The following PPP2R2D variants were observed in gnomAD, a reference collection of about 807,000 sequenced individuals.
The protein encoded by PPP2R2D is serine/threonine-protein phosphatase 2A 55 kDa regulatory subunit B delta isoform.
A neutral mutation model predicts 31.1 loss-of-function variants in PPP2R2D; 9 were observed. The observed-to-expected ratio is 0.29, with a 90% CI of 0.17 to 0.51. PPP2R2D has a LOEUF of 0.51. Ranked by LOEUF, PPP2R2D falls within the 20% of genes least tolerant of loss-of-function variation. The pLI, the probability that PPP2R2D is intolerant of heterozygous loss-of-function variation, is 0.98. For synonymous variants in PPP2R2D, 179 were observed against 172.6 expected (o/e 1.04, Z -0.29); for missense variants, 391 against 465.6 (o/e 0.84, Z 1.48).
intron 2 of PPP2R2D, among the ~76,000 whole-genome samples, chr10:131,903,614 T>C (rs1302197268): frequency 6.6e-6 from 1 of 152,346 alleles, no homozygotes; most frequent in Non-Finnish European, 1.5e-5. Context: ...CGTGGTTTCT[T>C]TTGTAACATT....
intron 2 of PPP2R2D, among the ~76,000 whole-genome samples, chr10:131,918,428 GAC>G (rs1189945203): frequency 2.7e-5 from 4 of 149,206 alleles, no homozygotes; most frequent in African/African-American, 5.0e-5. Context: ...TGGGTGGAAT[GAC>G]ACAGTGTTTT....
At position 131,947,270 on chromosome 10, in the gene PPP2R2D, C is replaced by G. The variant is rs991127031; in HGVS notation, c.821-260C>G. Among the ~76,000 whole-genome samples, 1 of 152,170 alleles carries G rather than the reference C, an allele frequency of 6.6e-6. No homozygotes were observed. The highest frequency in any genetic ancestry group is 2.1e-4 in the South Asian group (1 of 4,822). On this transcript the variant is annotated intron_variant, in intron 7 of 8. Coordinates refer to ENST00000455566, the MANE Select transcript of PPP2R2D (RefSeq NM_018461.5). The surrounding 1 kb of genome is among the most constrained non-coding windows in gnomAD (Gnocchi z 4.3). Reference sequence around the variant, plus strand: ...TTGCCTAGAGATTCTCATTCAGGGTCCGGGTGAGACTTGGGCGTCTACGCT... The same window carrying G: ...TTGCCTAGAGATTCTCATTCAGGGTGCGGGTGAGACTTGGGCGTCTACGCT...
chr10:131,929,035 T>C (rs74162808), intron 2 of PPP2R2D, among the ~76,000 whole-genome samples: 4,434 of 152,300 alleles, frequency 0.029, 160 homozygotes, highest in African/African-American at 0.091. Flanking sequence ...CTGGAGTTGT[T>C]TGTCTGCCTT....
At position 131,944,112 on chromosome 10, in the gene PPP2R2D, T is replaced by C; in HGVS notation, c.622T>C (p.Leu208=). ...YLSADDLRIN[L]WHLEITDRSF... is the part of the protein sequence containing the mutation. ...TTCTGCAGATGACCTGAGAATTAATTTATGGCACTTAGAAATCACAGATAG... is the reference window on the plus strand; with the variant it reads ...TTCTGCAGATGACCTGAGAATTAATCTATGGCACTTAGAAATCACAGATAG... The change falls in exon 6 of 9, where the codon TTA becomes CTA. Residue 208 remains leucine (L), a synonymous_variant. Transcript: ENST00000455566. 1 of 1,612,320 alleles carries C rather than the reference T, an allele frequency of 6.2e-7. No individual in the cohort carries two copies. Among genetic ancestry groups the C allele is most frequent in the South Asian group, 1.1e-5 (1 of 90,614 alleles).
intron 5 of PPP2R2D, among the ~76,000 whole-genome samples, chr10:131,943,292 G>C (rs1443367851): frequency 6.6e-6 from 1 of 152,192 alleles, no homozygotes; most frequent in African/African-American, 2.4e-5. Flanking sequence ...TCAACACAGA[G>C]ATGGGGGCGG....
At chr10:131,964,664 A>ATTT (rs782297365), downstream of PPP2R2D, among the ~76,000 whole-genome samples, 1,809 of 126,646 alleles carry the variant, frequency 0.014, 39 homozygotes, top group East Asian at 0.053. Flanking sequence ...AGAGTTTACT[A>ATTT]TGTTTTTTTT....
chr10:131,905,054 T>C (rs900688926), intron 2 of PPP2R2D, among the ~76,000 whole-genome samples: 2 of 151,302 alleles, frequency 1.3e-5, no homozygotes, highest in African/African-American at 4.9e-5. Flanking sequence ...GTGATTCCAC[T>C]GGGTCATCAG....
At position 131,941,752 on chromosome 10, in the gene PPP2R2D, A is replaced by T. The variant is rs568692966; in HGVS notation, c.477+1058A>T. Among the ~76,000 whole-genome samples the T allele has an allele frequency of 3.2e-3, 489 of 152,190 alleles. 4 individuals carry two copies. The highest frequency in any genetic ancestry group is 6.8e-3 in the Middle Eastern group (2 of 294). ...TGGGAGTGATGTTGGGTCTGTTCTG[A>T]TGCCATTTCTCCAGCTTTGCCGTGT... On this transcript the variant is annotated intron_variant, in intron 5 of 8. Coordinates refer to ENST00000455566, the MANE Select transcript of PPP2R2D (RefSeq NM_018461.5).
intron 2 of PPP2R2D, among the ~76,000 whole-genome samples, chr10:131,907,230 C>T (rs2035606061): frequency 1.3e-5 from 2 of 151,680 alleles, no homozygotes; most frequent in African/African-American, 4.8e-5. Flanking sequence ...GACATGGTGT[C>T]TGCTTATTTG....
chr10:131,932,070 G>A (rs2036240815), intron 2 of PPP2R2D, among the ~76,000 whole-genome samples: 1 of 152,168 alleles, frequency 6.6e-6, no homozygotes, highest in African/African-American at 2.4e-5. Flanking sequence ...GAGGGTAAAG[G>A]AGATGAACAC....
chr10:131,938,743 T>C (rs1554896792), intron 3 of PPP2R2D, among the ~76,000 whole-genome samples: 1 of 152,244 alleles, frequency 6.6e-6, no homozygotes, highest in African/African-American at 2.4e-5. Flanking sequence ...GGCTCATTTA[T>C]CTCAGCGGCT....
At chr10:131,971,376 C>T in the PPP2R2D span, 6 of 241,892 alleles carry the variant, frequency 2.5e-5, no homozygotes, top group Middle Eastern at 1.4e-3. Context: ...AAAACAGGGA[C>T]ATGACGAAGG....
chr10:131,910,716 G>A (rs1455658815), intron 2 of PPP2R2D, among the ~76,000 whole-genome samples: 1 of 152,164 alleles, frequency 6.6e-6, no homozygotes, highest in Non-Finnish European at 1.5e-5. Context: ...GTAATGCGTT[G>A]GCTAAGGGCC....
intron 2 of PPP2R2D, among the ~76,000 whole-genome samples, chr10:131,906,726 G>A (rs938259363): frequency 6.7e-6 from 1 of 148,690 alleles, no homozygotes; most frequent in African/African-American, 2.5e-5. Flanking sequence ...TTTGAGACCA[G>A]CCTGGGCAAC....
intron 2 of PPP2R2D, among the ~76,000 whole-genome samples, chr10:131,914,161 G>A (rs2035732691): frequency 6.6e-6 from 1 of 152,220 alleles, no homozygotes; most frequent in African/African-American, 2.4e-5. Context: ...TTTTAAGTGG[G>A]TGGTGAGTAA....
At chr10:131,915,782 G>GT (rs1554892978) in intron 2 of PPP2R2D, among the ~76,000 whole-genome samples, 1 of 152,220 alleles carries the variant, frequency 6.6e-6, no homozygotes, top group Admixed American at 6.5e-5. Flanking sequence ...TTCGTTTATG[G>GT]TAACAGATAG....
At chr10:131,953,317 G>T (rs1429544816) in intron 8 of PPP2R2D, among the ~76,000 whole-genome samples, 1 of 119,454 alleles carries the variant, frequency 8.4e-6, no homozygotes, top group African/African-American at 3.3e-5. Flanking sequence ...TGACTTGCAG[G>T]TGTGCGGGGG....
At chr10:131,908,669 G>A (rs1344741457) in intron 2 of PPP2R2D, among the ~76,000 whole-genome samples, 1 of 152,286 alleles carries the variant, frequency 6.6e-6, no homozygotes, top group South Asian at 2.1e-4. Flanking sequence ...TCTGTTAAAC[G>A]GGTACTATTA....
chr10:131,922,359 C>G (rs2036003008), intron 2 of PPP2R2D, among the ~76,000 whole-genome samples: 1 of 151,784 alleles, frequency 6.6e-6, no homozygotes, highest in African/African-American at 2.4e-5. Flanking sequence ...GTTATGTGGG[C>G]TAATACATTT....
Sources: gnomAD v4.1 joint callset for allele counts (sites outside exome capture counted in the v4.1 genomes callset) on GRCh38, gnomAD v4.1.1 for gene constraint, Gnocchi (gnomAD v3.1) non-coding constraint, MANE v1.5 for transcripts, NCBI Gene and HGNC (gene_info 2026-07-23, HGNC 2026-07-21) for gene names.